The following MAGI2 variants were observed in gnomAD, a reference collection of about 807,000 sequenced individuals.
MAGI2 encodes membrane associated guanylate kinase, WW and PDZ domain containing 2, also known as membrane-associated guanylate kinase, WW and PDZ domain-containing protein 2.
A neutral mutation model predicts 133.3 loss-of-function variants in MAGI2; 35 were observed. The ratio of observed to expected loss-of-function variants is 0.26; its 90% confidence interval spans 0.20 to 0.35. MAGI2 has a LOEUF of 0.35. Among genes scored for constraint, MAGI2 ranks in the 10% least tolerant of loss-of-function variants. The pLI is 1.00. For missense variants in MAGI2, 1,636 were observed against 1,863.4 expected, an observed-to-expected ratio of 0.88 and a Z score of 2.25; for synonymous variants, 729 against 710.6, an observed-to-expected ratio of 1.03 and a Z score of -0.41.
intron 20 of MAGI2, among the ~76,000 whole-genome samples, chr7:78,091,035 GATGTGT>G (rs1475686870): frequency 1.5e-5 from 2 of 134,736 alleles, no homozygotes; most frequent in Non-Finnish European, 3.3e-5. Context: ...CGTAGTGACT[GATGTGT>G]ATGTGTGTGT....
At chr7:78,643,989 A>T (rs1426946321) in intron 2 of MAGI2, among the ~76,000 whole-genome samples, 2 of 152,176 alleles carry the variant, frequency 1.3e-5, no homozygotes, top group African/African-American at 4.8e-5. Context: ...GAAGTAAAAT[A>T]ATTGAAAAAG....
rs374573718 is a variant in MAGI2 at position 78,619,221 on chromosome 7, G to A, written c.538+7899C>T. Among the ~76,000 whole-genome samples the A allele has an allele frequency of 4.6e-5, 7 of 151,768 alleles. No homozygotes were observed. The East Asian group carries it at 9.7e-4, about 21-fold the overall frequency. ...AAAGAAAAAAGTCACTAGGAGATGTGTACAAGAGTTAGTAAATCATTGTAA... is the reference window on the plus strand; with the variant it reads ...AAAGAAAAAAGTCACTAGGAGATGTATACAAGAGTTAGTAAATCATTGTAA... On this transcript the variant is annotated intron_variant, in intron 3 of 21. Transcript: ENST00000354212.
At chr7:79,359,713 C>G (rs1008291404) in intron 1 of MAGI2, among the ~76,000 whole-genome samples, 6 of 135,588 alleles carry the variant, frequency 4.4e-5, no homozygotes, top group South Asian at 4.8e-4. Context: ...CACACACACA[C>G]AGAAAACAAA....
chr7:78,592,222 C>T (rs1274403239), intron 3 of MAGI2, among the ~76,000 whole-genome samples: 2 of 152,142 alleles, frequency 1.3e-5, no homozygotes, highest in South Asian at 2.1e-4. Flanking sequence ...ATATCTGAAA[C>T]AAATATATTT....
At chr7:79,302,703 G>T (rs187184662) in intron 1 of MAGI2, among the ~76,000 whole-genome samples, 1 of 152,268 alleles carries the variant, frequency 6.6e-6, no homozygotes. Flanking sequence ...AGAGATTTTG[G>T]AAAGAGAATT....
Position 78,049,614 on chromosome 7 carries a change from G to T in MAGI2, c.3706+29333C>A, listed in dbSNP as rs3823802. ...TGATGTTTTTTTTAAGTGGCTCGCG[G>T]TAGAACCCCTAACAGCCTTTAACAC... On this transcript the variant is annotated intron_variant, in intron 21 of 21. Coordinates refer to ENST00000354212, the MANE Select transcript of MAGI2 (RefSeq NM_012301.4). Among the ~76,000 whole-genome samples the T allele has an allele frequency of 9.9e-5, 15 of 151,936 alleles. 1 individual carries two copies. Among genetic ancestry groups the T allele is most frequent in the African/African-American group, 3.6e-4 (15 of 41,326 alleles).
chr7:78,469,214 G>C (rs1012879555), intron 6 of MAGI2, among the ~76,000 whole-genome samples: 1 of 152,078 alleles, frequency 6.6e-6, no homozygotes. Flanking sequence ...ACTTGCATAG[G>C]CTAACGTAAC....
At chr7:79,344,117 C>T (rs150087206) in intron 1 of MAGI2, among the ~76,000 whole-genome samples, 10 of 151,882 alleles carry the variant, frequency 6.6e-5, no homozygotes, top group Admixed American at 5.3e-4. Flanking sequence ...ACTATATGTG[C>T]GATAATGTCA....
intron 3 of MAGI2, among the ~76,000 whole-genome samples, chr7:78,557,080 CAA>C (rs796371005): frequency 2.0e-4 from 8 of 40,950 alleles, no homozygotes; most frequent in African/African-American, 3.5e-4. Context: ...GGCAGAGTCT[CAA>C]AAAAAAAAAA....
At chr7:78,181,508 G>T (rs1410338207) in intron 13 of MAGI2, among the ~76,000 whole-genome samples, 3 of 152,142 alleles carry the variant, frequency 2.0e-5, no homozygotes, top group African/African-American at 7.2e-5. Context: ...AGGAGGCAGT[G>T]GTTGTAAAGA....
intron 2 of MAGI2, among the ~76,000 whole-genome samples, chr7:79,003,218 TG>T (rs1232308604): frequency 2.6e-5 from 4 of 152,078 alleles, no homozygotes; most frequent in Admixed American, 2.6e-4. Flanking sequence ...GGGAGGTCTT[TG>T]GAGCCCTAGC....
intron 1 of MAGI2, among the ~76,000 whole-genome samples, chr7:79,336,304 G>A (rs183198944): frequency 3.3e-5 from 5 of 152,096 alleles, no homozygotes; most frequent in Non-Finnish European, 5.9e-5. Context: ...CAGGATTTGA[G>A]GCTTATTCTG....
At chr7:78,081,481 C>G (rs1815965801) in intron 20 of MAGI2, among the ~76,000 whole-genome samples, 1 of 152,278 alleles carries the variant, frequency 6.6e-6, no homozygotes, top group South Asian at 2.1e-4. Flanking sequence ...GAACAGACAT[C>G]TAACCCAGAA....
intron 21 of MAGI2, among the ~76,000 whole-genome samples, chr7:78,027,679 G>A (rs953131297): frequency 1.3e-4 from 19 of 150,454 alleles, no homozygotes; most frequent in African/African-American, 4.6e-4. Flanking sequence ...CCTGCAATCA[G>A]AGAACAATAA....
At chr7:79,297,566 C>G (rs1039412525) in intron 1 of MAGI2, among the ~76,000 whole-genome samples, 1 of 152,146 alleles carries the variant, frequency 6.6e-6, no homozygotes, top group African/African-American at 2.4e-5. Context: ...CTACCCAGTA[C>G]TCTTCTAGTT....
chr7:79,131,548 A>G (rs1820937507), intron 1 of MAGI2, among the ~76,000 whole-genome samples: 1 of 152,158 alleles, frequency 6.6e-6, no homozygotes, highest in African/African-American at 2.4e-5. Flanking sequence ...TGTTACCTGC[A>G]TTTTACAGAT....
chr7:79,345,077 G>A (rs1841208412), intron 1 of MAGI2, among the ~76,000 whole-genome samples: 1 of 151,972 alleles, frequency 6.6e-6, no homozygotes, highest in Non-Finnish European at 1.5e-5. Context: ...CCTCCTAAAT[G>A]CATATGTTGA....
At chr7:78,176,961 T>C (rs1170854692) in intron 14 of MAGI2, among the ~76,000 whole-genome samples, 1 of 99,348 alleles carries the variant, frequency 1.0e-5, no homozygotes, top group Non-Finnish European at 2.5e-5. Context: ...ATATATAGTA[T>C]ATTTCCTGGG....
rs144898476 is a variant in MAGI2, at chr7:78,726,398, T to A, written c.419-99159A>T. Among the ~76,000 whole-genome samples, 1,366 of 152,328 alleles carry A rather than the reference T, an allele frequency of 9.0e-3. 27 individuals are homozygous for A. The highest frequency in any genetic ancestry group is 0.031 in the African/African-American group (1,307 of 41,582). On this transcript the variant is annotated intron_variant, in intron 2 of 21. Transcript: ENST00000354212. ...GAAATGTATCTTTGTCTCCACCTTG[T>A]TTGAGCTGAATAAACTGGAAGAGGT...
Sources: gnomAD v4.1 joint callset for allele counts (sites outside exome capture counted in the v4.1 genomes callset) on GRCh38, gnomAD v4.1.1 for gene constraint, MANE v1.5 for transcripts, NCBI Gene and HGNC (gene_info 2026-07-23, HGNC 2026-07-21) for gene names.